The following RANBP17 variants were observed in gnomAD, a reference collection of about 807,000 sequenced individuals.
RANBP17 encodes RAN binding protein 17, also known as ran-binding protein 17.
In RANBP17, 158 loss-of-function variants were observed where a neutral mutation model predicts 141.2. That is an observed-to-expected ratio of 1.12 (90% confidence interval 0.98 to 1.28). The LOEUF (loss-of-function observed/expected upper bound fraction) is 1.28. Ranked by LOEUF, RANBP17 falls within the 50% of genes most tolerant of loss-of-function variation. RANBP17 has a pLI of 0.00. For missense variants in RANBP17, 1,438 were observed against 1,290.7 expected, an observed-to-expected ratio of 1.11 and a Z score of -1.75; for synonymous variants, 430 against 450.0, an observed-to-expected ratio of 0.96 and a Z score of 0.56.
chr5:170,887,225 G>A (rs941228112), intron 3 of RANBP17, among the ~76,000 whole-genome samples: 6 of 152,006 alleles, frequency 3.9e-5, no homozygotes, highest in South Asian at 2.1e-4. Flanking sequence ...ATTTTCTCCC[G>A]ATCTGTGGCT....
intron 14 of RANBP17, among the ~76,000 whole-genome samples, chr5:170,996,975 C>T (rs1778857576): frequency 6.6e-6 from 1 of 152,046 alleles, no homozygotes; most frequent in South Asian, 2.1e-4. Flanking sequence ...GTGTCCCCAC[C>T]CAAATCTCAT....
chr5:171,298,050 G>A (rs545381619), intron 27 of RANBP17, among the ~76,000 whole-genome samples: 60 of 151,826 alleles, frequency 4.0e-4, no homozygotes, highest in Non-Finnish European at 8.0e-4. Flanking sequence ...TAGAGACGGG[G>A]TTTCACAATG....
At chr5:171,033,201 A>C (rs4868059) in intron 14 of RANBP17, among the ~76,000 whole-genome samples, 101,828 of 151,796 alleles carry the variant, frequency 0.67, 34,410 homozygotes, top group South Asian at 0.89. Context: ...GTAGGTAGAA[A>C]GCTTTAAACT....
At chr5:170,923,514 A>G (rs570005653) in intron 11 of RANBP17, among the ~76,000 whole-genome samples, 7 of 152,272 alleles carry the variant, frequency 4.6e-5, no homozygotes, top group Admixed American at 6.5e-5. Context: ...TCAGTTTCTT[A>G]GTTTCTACAA....
intron 14 of RANBP17, among the ~76,000 whole-genome samples, chr5:171,138,160 C>T (rs1177514123): frequency 6.6e-6 from 1 of 152,010 alleles, no homozygotes; most frequent in African/African-American, 2.4e-5. Flanking sequence ...TTCCAGTTTC[C>T]ATTTGGAGCC....
chr5:171,064,022 A>G (rs147110079), intron 14 of RANBP17, among the ~76,000 whole-genome samples: 1 of 152,256 alleles, frequency 6.6e-6, no homozygotes, highest in Non-Finnish European at 1.5e-5. Context: ...GGAAAAGCGC[A>G]GTATTAGTGT....
intron 1 of RANBP17, among the ~76,000 whole-genome samples, chr5:170,871,111 C>T (rs1169275314): frequency 6.6e-6 from 1 of 152,088 alleles, no homozygotes; most frequent in Non-Finnish European, 1.5e-5. Context: ...TGCAATGGCA[C>T]AATCTTGGCT....
At chr5:170,975,579 C>T (rs1777305833) in intron 14 of RANBP17, among the ~76,000 whole-genome samples, 1 of 152,220 alleles carries the variant, frequency 6.6e-6, no homozygotes, top group East Asian at 1.9e-4. Flanking sequence ...TCATTCCTTA[C>T]AAATTCTTTT....
chr5:170,993,872 A>T (rs1778657529), intron 14 of RANBP17, among the ~76,000 whole-genome samples: 2 of 152,222 alleles, frequency 1.3e-5, no homozygotes, highest in East Asian at 3.9e-4. Context: ...AGAATTTAAC[A>T]AGTTAACAGC....
At chr5:170,984,711 G>C (rs1397115333) in intron 14 of RANBP17, among the ~76,000 whole-genome samples, 1 of 151,918 alleles carries the variant, frequency 6.6e-6, no homozygotes, top group Non-Finnish European at 1.5e-5. Context: ...AATTTAAAAC[G>C]TTAAAACTCT....
chr5:171,242,688 C>A lies in RANBP17; in HGVS notation c.2644C>A (p.Arg882=), dbSNP rs149760083. 1 of 1,613,138 alleles carries A rather than the reference C, an allele frequency of 6.2e-7. No individual in the cohort carries two copies. Among genetic ancestry groups the A allele is most frequent in the African/African-American group, 1.3e-5 (1 of 74,874 alleles). ...GTATATCTCTGTGTTGTAGCAATAC[C>A]GGAAACTGAGCCAGTCTTATTATCC... ...SVSHSDLLQY[R]KLSQSYYPLL... The change falls in exon 24 of 28, where the codon CGG becomes AGG. Residue 882 remains arginine (R), a synonymous_variant. Transcript: ENST00000523189.
In RANBP17 at chr5:171,001,458, C is replaced by G. The variant is rs184246126; in HGVS notation, c.1710+33081C>G. ...TGCTTGGTTGGCGACTTTCAAGGCT[C>G]TATCCAAGTTTTTGGGGTACACTTC... On this transcript the variant is annotated intron_variant, in intron 14 of 27. Coordinates refer to ENST00000523189, the MANE Select transcript of RANBP17 (RefSeq NM_022897.5). 8.2e-4 allele frequency among the ~76,000 whole-genome samples: 125 copies of G among 152,198 alleles called. 2 individuals are homozygous for G. The Middle Eastern group carries it at 0.014, about 17-fold the overall frequency.
chr5:171,020,233 T>C (rs751617561), intron 14 of RANBP17, among the ~76,000 whole-genome samples: 2 of 152,182 alleles, frequency 1.3e-5, no homozygotes, highest in Non-Finnish European at 2.9e-5. Context: ...CTGAGAAGAA[T>C]GTATATCCTG....
intron 24 of RANBP17, among the ~76,000 whole-genome samples, chr5:171,249,108 C>T (rs550745872): frequency 6.6e-6 from 1 of 152,264 alleles, no homozygotes; most frequent in Non-Finnish European, 1.5e-5. Context: ...ACAAAATTTG[C>T]CACAGCTTCC....
chr5:171,079,396 G>T (rs2127706094), intron 14 of RANBP17, among the ~76,000 whole-genome samples: 1 of 152,322 alleles, frequency 6.6e-6, no homozygotes, highest in South Asian at 2.1e-4. Flanking sequence ...CATAACATTA[G>T]TTGATAAAGT....
intron 22 of RANBP17, among the ~76,000 whole-genome samples, chr5:171,235,050 G>A (rs776516609): frequency 6.6e-6 from 1 of 152,190 alleles, no homozygotes. Context: ...GCAAAGAAGA[G>A]TGAGAAGGAG....
chr5:171,191,252 G>A (rs1455569774), intron 18 of RANBP17, among the ~76,000 whole-genome samples: 1 of 152,112 alleles, frequency 6.6e-6, no homozygotes, highest in African/African-American at 2.4e-5. Context: ...AAACACAGAG[G>A]AAGGAATTTT....
At chr5:171,067,308 A>T (rs752038361) in intron 14 of RANBP17, among the ~76,000 whole-genome samples, 3 of 149,834 alleles carry the variant, frequency 2.0e-5, no homozygotes, top group Non-Finnish European at 4.5e-5. Flanking sequence ...CCTTTGCATT[A>T]TTATTATTGC....
At chr5:171,016,843 T>C (rs939619451) in intron 14 of RANBP17, among the ~76,000 whole-genome samples, 1 of 152,046 alleles carries the variant, frequency 6.6e-6, no homozygotes, top group African/African-American at 2.4e-5. Flanking sequence ...TACATAGGTA[T>C]ACATGTGCCA....
Sources: allele counts gnomAD v4.1 joint callset (sites outside exome capture counted in the v4.1 genomes callset), GRCh38; gene constraint gnomAD v4.1.1; transcripts MANE v1.5; gene names NCBI Gene and HGNC (gene_info 2026-07-23, HGNC 2026-07-21).